Variants in PRSS12 observed in about 807,000 individuals in gnomAD.
The protein encoded by PRSS12 is serine protease 12.
Under a neutral mutation model 104.4 loss-of-function variants are expected in PRSS12, and 85 were observed. That is an observed-to-expected ratio of 0.81 (90% CI 0.68 to 0.98). The LOEUF (loss-of-function observed/expected upper bound fraction) is 0.98, where lower values mean the gene tolerates loss of function less well. Among genes scored for constraint, PRSS12 ranks in the 50% least tolerant of loss-of-function variants. The pLI, the probability that PRSS12 is intolerant of heterozygous loss-of-function variation, is 0.00. For synonymous variants in PRSS12, 454 were observed against 425.2 expected (o/e 1.07, Z -0.83); for missense variants, 1,141 against 1,139.2 (o/e 1.00, Z -0.02).
intron 5 of PRSS12, among the ~76,000 whole-genome samples, chr4:118,316,839 T>A (rs200089646): frequency 0.22 from 11,998 of 54,750 alleles, 755 homozygotes; most frequent in South Asian, 0.37. Context: ...AAAAAAAAAA[T>A]ATATATATAT....
chr4:118,339,806 C>T (rs1234944106), intron 1 of PRSS12, among the ~76,000 whole-genome samples: 5 of 152,188 alleles, frequency 3.3e-5, no homozygotes, highest in African/African-American at 1.2e-4. Context: ...AAAATCTCTT[C>T]TACAGAGGTC....
At chr4:118,318,357 C>A (rs373999114) in intron 5 of PRSS12, 21 bp downstream of exon 5, 1 of 1,613,170 alleles carries the variant, frequency 6.2e-7, no homozygotes, top group Non-Finnish European at 8.5e-7. Flanking sequence ...AACTGGTACA[C>A]TAATGGAGTG....
chr4:118,302,626 C>T lies in PRSS12; in HGVS notation c.1632-3688G>A, dbSNP rs1174043304. Among the ~76,000 whole-genome samples, 5 of 152,140 alleles carry T rather than the reference C, an allele frequency of 3.3e-5. No individual in the cohort carries two copies. In the South Asian group the frequency reaches 6.2e-4, roughly 19 times the overall value. Reference sequence around the variant, plus strand: ...ATTTTTAGTAGAGATGGGGTTTCACCATGTTGGCCAGGCTGGTCTTGAACT... The same window carrying T: ...ATTTTTAGTAGAGATGGGGTTTCACTATGTTGGCCAGGCTGGTCTTGAACT... On this transcript the variant is annotated intron_variant, in intron 8 of 12. Coordinates refer to ENST00000296498, the MANE Select transcript of PRSS12 (RefSeq NM_003619.4).
chr4:118,322,816 G>A lies in PRSS12; in HGVS notation c.972-4260C>T, dbSNP rs954668510. Among the ~76,000 whole-genome samples the A allele has an allele frequency of 4.6e-5, 7 of 152,058 alleles. No homozygotes were observed. The South Asian group carries it at 1.5e-3, about 32-fold the overall frequency. On this transcript the variant is annotated intron_variant, in intron 4 of 12. Coordinates refer to ENST00000296498, the MANE Select transcript of PRSS12 (RefSeq NM_003619.4). ...GAGAGAAGAAGCCCTATGCCCTAGA[G>A]GAGAGGTCAGCAAAATATGACCTGT...
intron 3 of PRSS12, 58 bp from the exon 4 acceptor site, chr4:118,331,924 AT>A: frequency 1.2e-6 from 2 of 1,603,558 alleles, no homozygotes; most frequent in Non-Finnish European, 1.7e-6. Flanking sequence ...GATTGATAAG[AT>A]TAGGTATATT....
At chr4:118,313,690 G>A (rs1393339841) in intron 6 of PRSS12, among the ~76,000 whole-genome samples, 2 of 152,120 alleles carry the variant, frequency 1.3e-5, no homozygotes, top group Admixed American at 1.3e-4. Context: ...AATGCAAAGA[G>A]ATCAATCTCA....
Position 118,294,978 on chromosome 4 carries a change from C to T in PRSS12, c.2000G>A (p.Ser667Asn). Residue 667 changes from serine to asparagine, a missense_variant, in exon 11 of 13, where the codon AGT becomes AAT. Transcript: ENST00000296498. Reference protein sequence around the residue: ...GRLLCGATLLSSCWVLTAAHC... With the variant: ...GRLLCGATLLNSCWVLTAAHC... ...TGCTGCTGTGAGGACCCAGCAGCTACTCAGGAGCGTAGCCCCGCAGAGGAG... is the reference window on the plus strand; with the variant it reads ...TGCTGCTGTGAGGACCCAGCAGCTATTCAGGAGCGTAGCCCCGCAGAGGAG... 6.2e-7 allele frequency: 1 copy of T among 1,614,162 alleles called. No homozygotes were observed. Among genetic ancestry groups the T allele is most frequent in the South Asian group, 1.1e-5 (1 of 91,084 alleles).
At chr4:118,287,806 CTTTAT>C (rs1199433880) in intron 11 of PRSS12, among the ~76,000 whole-genome samples, 2 of 152,092 alleles carry the variant, frequency 1.3e-5, no homozygotes, top group African/African-American at 4.8e-5. Flanking sequence ...TTTTGATAGA[CTTTAT>C]TTTATCCAAA....
chr4:118,294,806 C>T, intron 11 of PRSS12, 133 bp downstream of exon 11: 1 of 1,286,628 alleles, frequency 7.8e-7, no homozygotes, highest in African/African-American at 1.5e-5. Flanking sequence ...TCCCTCATTC[C>T]ACAGGGCTGC....
rs757268580 is a variant in PRSS12, at chr4:118,318,455, T to C, written c.1073A>G (p.Gln358Arg). 6.2e-7 allele frequency: 1 copy of C among 1,614,180 alleles called. No individual in the cohort carries two copies. ...RCTGNELSIE[Q>R]CPKSSWGEHN... Reference sequence around the variant, plus strand: ...CTCTCCCCAGGAGCTCTTTGGACACTGCTCAATTGAAAGCTCATTCCCAGT... The same window carrying C: ...CTCTCCCCAGGAGCTCTTTGGACACCGCTCAATTGAAAGCTCATTCCCAGT... Residue 358 changes from glutamine to arginine, a missense_variant, in exon 5 of 13, where the codon CAG becomes CGG. Transcript: ENST00000296498.
At chr4:118,320,883 G>A (rs1231749388) in intron 4 of PRSS12, among the ~76,000 whole-genome samples, 1 of 152,066 alleles carries the variant, frequency 6.6e-6, no homozygotes, top group Non-Finnish European at 1.5e-5. Flanking sequence ...TAAAATTCAA[G>A]AGGAAGGATA....
chr4:118,295,172 A>T, intron 10 of PRSS12, 111 bp from the exon 11 acceptor site: 3 of 1,401,390 alleles, frequency 2.1e-6, no homozygotes, highest in Non-Finnish European at 2.9e-6. Context: ...GGTGGGGGAA[A>T]AGGAAAGCAA....
At chr4:118,345,693 T>C (rs1724338373) in intron 1 of PRSS12, among the ~76,000 whole-genome samples, 1 of 152,170 alleles carries the variant, frequency 6.6e-6, no homozygotes, top group African/African-American at 2.4e-5. Context: ...GAAATATGCT[T>C]TGTCAACCAA....
chr4:118,328,569 A>C (rs1723839169), intron 4 of PRSS12, among the ~76,000 whole-genome samples: 1 of 150,982 alleles, frequency 6.6e-6, no homozygotes. Context: ...TCAAGGAAGA[A>C]CTCTACATTA....
chr4:118,352,070 C>T (rs1724519151), intron 1 of PRSS12, 149 bp downstream of exon 1: 1 of 1,171,196 alleles, frequency 8.5e-7, no homozygotes, highest in Non-Finnish European at 1.2e-6. Flanking sequence ...TACTGGTAAC[C>T]CAGCTGCAGC....
At chr4:118,300,631 T>C (rs959495797) in intron 8 of PRSS12, among the ~76,000 whole-genome samples, 6 of 152,102 alleles carry the variant, frequency 3.9e-5, no homozygotes, top group South Asian at 2.1e-4. Context: ...AAAGTGGACA[T>C]AGAGGGTATA....
chr4:118,307,970 A>G (rs189712614), intron 8 of PRSS12, among the ~76,000 whole-genome samples: 1 of 152,338 alleles, frequency 6.6e-6, no homozygotes, highest in Admixed American at 6.5e-5. Flanking sequence ...AGCTGAAACA[A>G]GAAGGGAGAG....
chr4:118,324,994 C>A (rs540139465), intron 4 of PRSS12, among the ~76,000 whole-genome samples: 1 of 152,100 alleles, frequency 6.6e-6, no homozygotes, highest in East Asian at 1.9e-4. Flanking sequence ...TGAGCCACCA[C>A]GCCCAGCCCA....
At chr4:118,292,476 A>G (rs1743151391) in intron 11 of PRSS12, among the ~76,000 whole-genome samples, 1 of 152,198 alleles carries the variant, frequency 6.6e-6, no homozygotes, top group African/African-American at 2.4e-5. Context: ...TTTTCTGGTC[A>G]TATCAGCAAA....
Sources: gnomAD v4.1 joint callset for allele counts (sites outside exome capture counted in the v4.1 genomes callset) on GRCh38, gnomAD v4.1.1 for gene constraint, MANE v1.5 for transcripts, NCBI Gene and HGNC (gene_info 2026-07-23, HGNC 2026-07-21) for gene names.